Variants in RALYL observed in about 807,000 individuals in gnomAD.
RALYL encodes the protein RNA-binding Raly-like protein.
RALYL carries 29 observed loss-of-function variants against 35.1 expected under a neutral mutation model. The ratio of observed to expected loss-of-function variants is 0.83; its 90% CI spans 0.61 to 1.13. The LOEUF is 1.13. RALYL is among the 50% of genes most tolerant of loss of function. The pLI is 0.00. For synonymous variants in RALYL, 120 were observed against 127.6 expected, an observed-to-expected ratio of 0.94 and a Z score of 0.40; for missense variants, 359 against 360.4, an observed-to-expected ratio of 1.00 and a Z score of 0.03.
At chr8:84,185,040 T>G (rs1201585232) in intron 1 of RALYL, 1 of 1,612,970 alleles carries the variant, frequency 6.2e-7, no homozygotes, top group African/African-American at 1.3e-5. Flanking sequence ...CCTATTTTGC[T>G]TTACCAAAGG....
intron 1 of RALYL, among the ~76,000 whole-genome samples, chr8:84,343,595 G>T (rs999045885): frequency 6.6e-6 from 1 of 151,724 alleles, no homozygotes; most frequent in Non-Finnish European, 1.5e-5. Context: ...ATAAACAGAA[G>T]GCTAACACAA....
At chr8:84,317,416 G>A (rs947459766) in intron 1 of RALYL, among the ~76,000 whole-genome samples, 1 of 152,132 alleles carries the variant, frequency 6.6e-6, no homozygotes, top group Non-Finnish European at 1.5e-5. Flanking sequence ...CCTTCTGCAT[G>A]ATGTCAAGAT....
chr8:84,796,507 T>G (rs371759958), intron 3 of RALYL, among the ~76,000 whole-genome samples: 3 of 152,350 alleles, frequency 2.0e-5, no homozygotes, highest in East Asian at 3.9e-4. Flanking sequence ...GATAGGATTA[T>G]GTTATGTTTT....
chr8:84,367,318 A>ATTTGTTTTTGTTTTTTT (rs756622990), intron 1 of RALYL, among the ~76,000 whole-genome samples: 2 of 27,408 alleles, frequency 7.3e-5, no homozygotes, highest in Admixed American at 5.1e-4. Context: ...TAATTTTTGT[A>ATTTGTTTTTGTTTTTTT]TTTTTTTTTT....
chr8:84,459,637 A>AG (rs2050522555), intron 1 of RALYL, among the ~76,000 whole-genome samples: 3 of 151,772 alleles, frequency 2.0e-5, no homozygotes, highest in Admixed American at 1.3e-4. Flanking sequence ...ATGGGAGCCA[A>AG]GGGAGAGGAC....
chr8:84,461,870 A>G (rs1239557584), intron 1 of RALYL, among the ~76,000 whole-genome samples: 2 of 151,460 alleles, frequency 1.3e-5, no homozygotes, highest in Non-Finnish European at 3.0e-5. Flanking sequence ...AGAGTGGTAC[A>G]TTTGTTGCAA....
At chr8:84,643,133 C>T (rs1022097478) in intron 2 of RALYL, among the ~76,000 whole-genome samples, 9 of 151,854 alleles carry the variant, frequency 5.9e-5, no homozygotes, top group African/African-American at 1.7e-4. Context: ...TCCAAAAAAT[C>T]CCCAGGTAAA....
intron 2 of RALYL, among the ~76,000 whole-genome samples, chr8:84,611,524 A>G (rs528099210): frequency 1.3e-5 from 2 of 152,238 alleles, no homozygotes; most frequent in East Asian, 1.9e-4. Flanking sequence ...GTGTGTTCAT[A>G]CATGTATATG....
chr8:84,889,539 C>T (rs1195180006), intron 8 of RALYL, among the ~76,000 whole-genome samples: 1 of 152,064 alleles, frequency 6.6e-6, no homozygotes, highest in African/African-American at 2.4e-5. Flanking sequence ...TGTCTTAGGC[C>T]ATCTTCTCTT....
intron 1 of RALYL, among the ~76,000 whole-genome samples, chr8:84,382,248 T>C (rs1258085624): frequency 1.3e-5 from 2 of 148,456 alleles, no homozygotes; most frequent in Non-Finnish European, 3.0e-5. Context: ...AAAAAAAAAC[T>C]GCAGTGAGGT....
intron 2 of RALYL, among the ~76,000 whole-genome samples, chr8:84,704,832 G>T (rs1840902059): frequency 6.6e-6 from 1 of 152,116 alleles, no homozygotes; most frequent in African/African-American, 2.4e-5. Flanking sequence ...CCTTTACACT[G>T]AAACAATGCT....
In RALYL at chr8:84,347,508, T is replaced by G. The variant is rs552774323; in HGVS notation, c.-24+163084T>G. 2.0e-5 allele frequency among the ~76,000 whole-genome samples: 3 copies of G among 152,178 alleles called. No homozygotes were observed. The South Asian group carries it at 6.2e-4, about 32-fold the overall frequency. On this transcript the variant is annotated intron_variant, in intron 1 of 8. Transcript: ENST00000521268. ...TTTGGGCATTAGATCCTTCCTAATC[T>G]GCCCTCTCTAAGGTTAATATCCTGT...
intron 1 of RALYL, among the ~76,000 whole-genome samples, chr8:84,266,214 G>T (rs1400200727): frequency 1.3e-5 from 2 of 151,188 alleles, no homozygotes; most frequent in African/African-American, 4.9e-5. Flanking sequence ...TTTTGCCAGT[G>T]TGATTTTTTT....
chr8:84,417,113 C>CA lies in RALYL; in HGVS notation c.-23-112173dup, dbSNP rs1271233195. 5.0e-3 allele frequency among the ~76,000 whole-genome samples: 528 copies of CA among 105,726 alleles called. 4 individuals are homozygous for CA. Among genetic ancestry groups the CA allele is most frequent in the African/African-American group, 9.0e-3 (224 of 24,762 alleles). The allele number at this position is 105,726 out of a possible 152,430, so 69.4% of individuals were successfully genotyped here. A position where few individuals can be genotyped will look rare whatever the true frequency, so the allele number is the denominator to read the frequency against. Reference sequence around the variant, plus strand: ...GTAGTTAAATAGGCAGGAATTAGAACAAAAAAAAAAAAAGAGGAAACAAGA... The same window carrying CA: ...GTAGTTAAATAGGCAGGAATTAGAACAAAAAAAAAAAAAAGAGGAAACAAGA... On this transcript the variant is annotated intron_variant, in intron 1 of 8. Transcript: ENST00000521268.
At chr8:84,845,798 A>G (rs1834519503) in intron 4 of RALYL, among the ~76,000 whole-genome samples, 1 of 152,168 alleles carries the variant, frequency 6.6e-6, no homozygotes, top group African/African-American at 2.4e-5. Context: ...TAAATATTCA[A>G]TCTATCTTGA....
intron 1 of RALYL, among the ~76,000 whole-genome samples, chr8:84,428,846 A>G (rs530020441): frequency 6.6e-6 from 1 of 152,284 alleles, no homozygotes; most frequent in Non-Finnish European, 1.5e-5. Context: ...AATGTGAAGT[A>G]TATTGTGTGA....
chr8:84,751,197 C>CA (rs1159043799), intron 2 of RALYL, among the ~76,000 whole-genome samples: 1 of 151,978 alleles, frequency 6.6e-6, no homozygotes, highest in African/African-American at 2.4e-5. Context: ...AAACATCCCT[C>CA]AAAAATGCTC....
chr8:84,375,725 C>T (rs771873817), intron 1 of RALYL, among the ~76,000 whole-genome samples: 2 of 151,830 alleles, frequency 1.3e-5, no homozygotes, highest in African/African-American at 4.8e-5. Context: ...AATAAGCATT[C>T]AACTTATTTG....
At chr8:84,847,482 T>C (rs1010119375) in intron 4 of RALYL, among the ~76,000 whole-genome samples, 1 of 152,152 alleles carries the variant, frequency 6.6e-6, no homozygotes, top group African/African-American at 2.4e-5. Flanking sequence ...CACATTTTGG[T>C]GTCTCTTGGT....
Sources: gnomAD v4.1 joint callset for allele counts (sites outside exome capture counted in the v4.1 genomes callset) on GRCh38, gnomAD v4.1.1 for gene constraint, MANE v1.5 for transcripts, NCBI Gene and HGNC (gene_info 2026-07-23, HGNC 2026-07-21) for gene names.